Variants in FMN1 observed in about 807,000 individuals in gnomAD.
FMN1 encodes the protein formin-1.
A neutral mutation model predicts 132.4 loss-of-function variants in FMN1; 110 were observed. The observed-to-expected ratio is 0.83, with a 90% confidence interval of 0.71 to 0.97. The LOEUF (loss-of-function observed/expected upper bound fraction) is 0.97, where lower values mean the gene tolerates loss of function less well. FMN1 is among the 50% of genes least tolerant of loss of function. The pLI is 0.00. For missense variants in FMN1, 1,792 were observed against 1,705.3 expected (o/e 1.05, Z -0.90); for synonymous variants, 722 against 651.7 (o/e 1.11, Z -1.64).
chr15:32,987,028 T>C (rs1023537720), intron 7 of FMN1, among the ~76,000 whole-genome samples: 3 of 152,294 alleles, frequency 2.0e-5, no homozygotes, highest in Non-Finnish European at 2.9e-5. Context: ...ACTTCAATTT[T>C]AGTTTGACTG....
intron 19 of FMN1, among the ~76,000 whole-genome samples, chr15:32,784,880 C>T (rs2140909417): frequency 6.6e-6 from 1 of 152,110 alleles, no homozygotes; most frequent in South Asian, 2.1e-4. Context: ...TGATTTCTGC[C>T]CTATGCAACT....
intron 4 of FMN1, among the ~76,000 whole-genome samples, chr15:33,099,551 T>C (rs767374911): frequency 2.0e-5 from 3 of 152,188 alleles, no homozygotes; most frequent in Admixed American, 6.5e-5. Flanking sequence ...TGAAAGAGAA[T>C]AGGAAAATTG....
chr15:33,116,573 G>T (rs150192073), intron 4 of FMN1, among the ~76,000 whole-genome samples: 2,408 of 152,012 alleles, frequency 0.016, 36 homozygotes, highest in Non-Finnish European at 0.025. Flanking sequence ...TTAGTTTGTC[G>T]AAAGTTTTTT....
intron 16 of FMN1, 71 bp from the exon 17 acceptor site, chr15:32,857,178 G>C (rs2059153010): frequency 1.7e-6 from 2 of 1,169,632 alleles, no homozygotes; most frequent in African/African-American, 3.0e-5. Context: ...GCCAGGTACT[G>C]TGCTATGCAC....
chr15:32,931,169 T>C, intron 9 of FMN1, among the ~76,000 whole-genome samples: 1 of 152,214 alleles, frequency 6.6e-6, no homozygotes, highest in East Asian at 1.9e-4. Context: ...TTTTGGCTAC[T>C]CAGGGTCTTC....
chr15:33,115,491 GCCCCCCCC>G (rs11289173), intron 4 of FMN1, among the ~76,000 whole-genome samples: 3 of 135,994 alleles, frequency 2.2e-5, no homozygotes, highest in South Asian at 2.4e-4. Context: ...TCATCCTTAA[GCCCCCCCC>G]CCCCACACAC....
intron 5 of FMN1, chr15:33,066,426 C>A (rs1252594478): frequency 8.7e-7 from 1 of 1,144,986 alleles, no homozygotes. Context: ...TAACAGGCAA[C>A]TAGGATTCAC....
Position 32,969,416 on chromosome 15 carries a change from A to C in FMN1, c.2285T>G (p.Leu762Arg). The C allele has an allele frequency of 6.2e-7, 1 of 1,613,964 alleles. No individual in the cohort carries two copies. Among genetic ancestry groups the C allele is most frequent in the Non-Finnish European group, 8.5e-7 (1 of 1,179,876 alleles). ...RGEHAMITAR[L>R]EETIENLKHE... is the part of the protein sequence containing the mutation. Reference sequence around the variant, plus strand: ...TTTCAGATTTTCAATGGTTTCTTCTAGTCTCGCTGTTATCATTGCATGCTC... The same window carrying C: ...TTTCAGATTTTCAATGGTTTCTTCTCGTCTCGCTGTTATCATTGCATGCTC... Residue 762 changes from leucine to arginine, a missense_variant, in exon 8 of 21, where the codon CTA becomes CGA. Transcript: ENST00000616417.
At chr15:33,120,059 A>G (rs903356523) in intron 4 of FMN1, among the ~76,000 whole-genome samples, 1 of 152,102 alleles carries the variant, frequency 6.6e-6, no homozygotes, top group Admixed American at 6.5e-5. Context: ...TAGCAATTAA[A>G]TGACTCAATT....
chr15:33,129,959 A>AT (rs1164401299), intron 4 of FMN1, among the ~76,000 whole-genome samples: 4 of 151,690 alleles, frequency 2.6e-5, no homozygotes, highest in Non-Finnish European at 4.4e-5. Flanking sequence ...TGCCCAGCCA[A>AT]TTTTTTTTGT....
At chr15:32,780,160 A>G (rs2056618550) in intron 19 of FMN1, among the ~76,000 whole-genome samples, 1 of 152,238 alleles carries the variant, frequency 6.6e-6, no homozygotes, top group African/African-American at 2.4e-5. Flanking sequence ...CATGTGAACC[A>G]GAGCAACTCC....
chr15:32,940,212 G>C (rs1282216253), intron 9 of FMN1, among the ~76,000 whole-genome samples: 1 of 152,106 alleles, frequency 6.6e-6, no homozygotes, highest in Admixed American at 6.6e-5. Context: ...TGTGGAATGG[G>C]ATCAACATCA....
intron 16 of FMN1, among the ~76,000 whole-genome samples, chr15:32,871,360 T>G (rs751697550): frequency 6.6e-6 from 1 of 152,172 alleles, no homozygotes; most frequent in Non-Finnish European, 1.5e-5. Context: ...TTACTTATAT[T>G]TGATAAAGAA....
chr15:32,911,591 C>G (rs1197759097), intron 10 of FMN1, among the ~76,000 whole-genome samples: 2 of 151,904 alleles, frequency 1.3e-5, no homozygotes, highest in African/African-American at 4.8e-5. Flanking sequence ...TCACATGAAC[C>G]CTTTCATACA....
Position 33,064,268 on chromosome 15 carries a change from G to A in FMN1, c.2161+689C>T, listed in dbSNP as rs1433163370. On this transcript the variant is annotated intron_variant, in intron 6 of 20. Coordinates refer to ENST00000616417, the MANE Select transcript of FMN1 (RefSeq NM_001277313.2). ...CAAATATCAGGAAGAAGGCAGAGAG[G>A]TTTCATGGATATATACACACACATG... 4 of 152,168 alleles carry A rather than the reference G, an allele frequency of 2.6e-5. No homozygotes were observed. The East Asian group carries it at 7.7e-4, about 29-fold the overall frequency. The allele number at this position is 152,168 out of a possible 1,614,324, so 9.4% of individuals were successfully genotyped here.
At position 32,969,398 on chromosome 15, in the gene FMN1, T is replaced by C. The variant is rs750697074; in HGVS notation, c.2303A>G (p.Asn768Ser). ...ITARLEETIE[N>S]LKHELEHRWR... ...TCTGTGTTCTAGCTCGTGTTTCAGA[T>C]TTTCAATGGTTTCTTCTAGTCTCGC... is the stretch of plus-strand genomic sequence containing the variant. Residue 768 changes from asparagine (N) to serine (S), a missense_variant, in exon 8 of 21, where the codon AAT (asparagine) becomes AGT (serine). Around this residue, in one of 3 missense-constraint regions of FMN1, gnomAD observed 1,150 missense variants for 1,043.1 expected, o/e 1.10. Coordinates refer to ENST00000616417, the MANE Select transcript of FMN1 (RefSeq NM_001277313.2). 8.7e-6 allele frequency: 14 copies of C among 1,613,958 alleles called. No individual in the cohort carries two copies. In the East Asian group the frequency reaches 3.1e-4, roughly 36 times the overall value.
intron 6 of FMN1, among the ~76,000 whole-genome samples, chr15:33,047,704 G>A (rs984643758): frequency 3.3e-5 from 5 of 152,170 alleles, no homozygotes; most frequent in Non-Finnish European, 7.3e-5. Context: ...ATGGGAGATG[G>A]GCTGACTCCC....
intron 7 of FMN1, among the ~76,000 whole-genome samples, chr15:32,973,690 T>C (rs995863955): frequency 1.3e-5 from 2 of 152,074 alleles, no homozygotes; most frequent in Non-Finnish European, 2.9e-5. Flanking sequence ...CAACTCAAAG[T>C]GATTAAAGTA....
intron 6 of FMN1, among the ~76,000 whole-genome samples, chr15:33,023,074 A>G (rs4780065): frequency 1.3e-3 from 35 of 27,222 alleles, no homozygotes; most frequent in Middle Eastern, 0.024. Context: ...AAAAAAAAAA[A>G]AAAGAAAAAA....
Sources: allele counts gnomAD v4.1 joint callset (sites outside exome capture counted in the v4.1 genomes callset), GRCh38; gene constraint gnomAD v4.1.1; regional missense constraint gnomAD v4.1.1; transcripts MANE v1.5; gene names NCBI Gene and HGNC (gene_info 2026-07-23, HGNC 2026-07-21).